Variants in CACNA1H observed in about 807,000 individuals in gnomAD.
CACNA1H encodes the protein voltage-dependent T-type calcium channel subunit alpha-1H.
In CACNA1H, 149 loss-of-function variants were observed where a neutral mutation model predicts 192.5. That is an observed-to-expected ratio of 0.77 (90% CI 0.68 to 0.89). The LOEUF is 0.89. CACNA1H is among the 40% of genes least tolerant of loss of function. The probability of loss-of-function intolerance (pLI) is 0.00; values close to 1 mark genes in which losing one functional copy is unlikely to be tolerated. For synonymous variants in CACNA1H, 2,202 were observed against 1,475.2 expected, an observed-to-expected ratio of 1.49 and a Z score of -11.29; for missense variants, 4,257 against 3,423.5, an observed-to-expected ratio of 1.24 and a Z score of -6.08.
At chr16:1,188,619 C>T (rs74002010) in intron 2 of CACNA1H, among the ~76,000 whole-genome samples, 6,601 of 152,334 alleles carry the variant, frequency 0.043, 534 homozygotes, top group African/African-American at 0.15. Context: ...TGCCCACGCC[C>T]GCGCCCAGGG....
In CACNA1H at chr16:1,220,934, G is replaced by A. The variant is rs1006975748; in HGVS notation, c.7002G>A (p.Glu2334=). ...TCACAGTCCCCCAGTGTCCTCTGGA[G>A]AAACCAGGGTCCCCCTCAGCCACCC... is the stretch of plus-strand genomic sequence containing the variant. ...LYLTVPQCPL[E]KPGSPSATPA... The change falls in exon 35 of 35, where the codon GAG becomes GAA. Residue 2334 remains glutamate, a synonymous_variant. Transcript: ENST00000348261. The A allele has an allele frequency of 1.2e-5, 20 of 1,609,466 alleles. No homozygotes were observed. The highest frequency in any genetic ancestry group is 1.7e-5 in the Non-Finnish European group (20 of 1,178,064).
intron 4 of CACNA1H, 67 bp downstream of exon 4, chr16:1,195,632 G>A: frequency 2.0e-6 from 3 of 1,520,448 alleles, no homozygotes; most frequent in Non-Finnish European, 2.7e-6. Flanking sequence ...AGGGATCCCT[G>A]TGTCCCACCT....
chr16:1,211,376 T>TACGGGACGGG (rs1969427918), intron 22 of CACNA1H, 82 bp downstream of exon 22: 1 of 1,606,814 alleles, frequency 6.2e-7, no homozygotes, highest in Non-Finnish European at 8.5e-7. Context: ...GCAGCGCCGC[T>TACGGGACGGG]GCGGGACGGG....
At chr16:1,218,873 A>T in intron 33 of CACNA1H, 97 bp from the exon 34 acceptor site, 1 of 1,034,478 alleles carries the variant, frequency 9.7e-7, no homozygotes, top group Non-Finnish European at 1.3e-6. Context: ...CTGGCCAGGA[A>T]GGAGGATGGT....
chr16:1,157,417 T>G (rs1962567630), intron 2 of CACNA1H, among the ~76,000 whole-genome samples: 1 of 152,212 alleles, frequency 6.6e-6, no homozygotes, highest in Non-Finnish European at 1.5e-5. Flanking sequence ...GCCACGTGTT[T>G]GGCAGAGCGC....
intron 30 of CACNA1H, among the ~76,000 whole-genome samples, chr16:1,216,359 C>A (rs747493151): frequency 1.3e-5 from 2 of 152,248 alleles, no homozygotes; most frequent in East Asian, 3.8e-4. Context: ...AGAGAAGGGG[C>A]GTGGCGTAGG....
At chr16:1,201,362 C>T (rs868311077) in intron 8 of CACNA1H, among the ~76,000 whole-genome samples, 10 of 152,224 alleles carry the variant, frequency 6.6e-5, no homozygotes, top group South Asian at 4.1e-4. Flanking sequence ...GAGTGGCCAC[C>T]GTTGAGAGGG....
rs956883193 is a variant in CACNA1H at position 1,180,355 on chromosome 16, G to A, written c.300-14617G>A. ...CTGGGGAGGACGGTCCCATAGCTGG[G>A]GGCAGAGCAGGGCAGGCTGGGTGAG... On this transcript the variant is annotated intron_variant, in intron 2 of 34. Coordinates refer to ENST00000348261, the MANE Select transcript of CACNA1H (RefSeq NM_021098.3). The surrounding 1 kb of genome is among the most constrained non-coding windows in gnomAD (Gnocchi z 4.4). Among the ~76,000 whole-genome samples, 18 of 152,232 alleles carry A rather than the reference G, an allele frequency of 1.2e-4. No individual in the cohort carries two copies. The highest frequency in any genetic ancestry group is 1.9e-4 in the Non-Finnish European group (13 of 68,032).
At chr16:1,171,464 G>T (rs556009375) in intron 2 of CACNA1H, among the ~76,000 whole-genome samples, 1 of 152,236 alleles carries the variant, frequency 6.6e-6, no homozygotes, top group Non-Finnish European at 1.5e-5. Flanking sequence ...AGTCTGCAGA[G>T]CCTGGAGCCC....
intron 2 of CACNA1H, among the ~76,000 whole-genome samples, chr16:1,177,906 A>G (rs1965053107): frequency 6.6e-6 from 1 of 151,748 alleles, no homozygotes; most frequent in Non-Finnish European, 1.5e-5. Context: ...TCTGAACTCC[A>G]TGGGGACACA....
intron 2 of CACNA1H, among the ~76,000 whole-genome samples, chr16:1,155,627 G>A (rs1055824900): frequency 2.0e-5 from 3 of 151,932 alleles, no homozygotes; most frequent in Non-Finnish European, 1.5e-5. Context: ...CACAGCCCCG[G>A]GCCTGGCTGC....
chr16:1,199,043 C>G (rs964178610), intron 6 of CACNA1H: 4 of 412,976 alleles, frequency 9.7e-6, no homozygotes, highest in African/African-American at 9.1e-5. Flanking sequence ...CACCATGGCT[C>G]CGCCCACCGC....
chr16:1,220,416 A>G lies in CACNA1H; in HGVS notation c.6484A>G (p.Ser2162Gly). The part of the protein sequence containing the change: ...EQWRPSAELG[S>G]GEPGEAKAWG... The stretch of plus-strand genomic sequence containing the variant: ...GTGGCGGCCCTCGGCGGAGCTGGGC[A>G]GCGGGGAGCCTGGGGAGGCGAAGGC... The change falls in exon 35 of 35, where the codon AGC (serine) becomes GGC (glycine). Residue 2162 changes from serine (S) to glycine (G), a missense_variant. Physicochemically the swap from Ser to Gly is moderately conservative, Grantham distance 56. Transcript: ENST00000348261. 1 of 1,530,318 alleles carries G rather than the reference A, an allele frequency of 6.5e-7. No individual in the cohort carries two copies. The highest frequency in any genetic ancestry group is 8.7e-7 in the Non-Finnish European group (1 of 1,147,816). The allele number at this position is 1,530,318 out of a possible 1,614,324, so 94.8% of individuals were successfully genotyped here.
chr16:1,179,370 G>A (rs537833580), intron 2 of CACNA1H, among the ~76,000 whole-genome samples: 2 of 152,252 alleles, frequency 1.3e-5, no homozygotes, highest in South Asian at 4.2e-4. Context: ...GCCCCCCCAT[G>A]GACTCTCCTG....
chr16:1,177,721 G>T (rs561612223), intron 2 of CACNA1H, among the ~76,000 whole-genome samples: 6 of 151,908 alleles, frequency 3.9e-5, no homozygotes, highest in African/African-American at 1.5e-4. Context: ...GGGGCTCCAC[G>T]GGGGCCACTT....
chr16:1,195,454 C>T lies in CACNA1H; in HGVS notation c.434C>T (p.Ala145Val), dbSNP rs377301954. The change falls in exon 4 of 35, where the codon GCC becomes GTC. Residue 145 changes from alanine to valine, a missense_variant. Coordinates refer to ENST00000348261, the MANE Select transcript of CACNA1H (RefSeq NM_021098.3). ...ILEAFDAFIF[A>V]FFAVEMVIKM... is the part of the protein sequence containing the mutation. ...CAGGCCTTTGACGCCTTCATTTTCG[C>T]CTTTTTTGCGGTGGAGATGGTCATC... 1.3e-6 allele frequency: 2 copies of T among 1,562,070 alleles called. No homozygotes were observed. The highest frequency in any genetic ancestry group is 1.7e-6 in the Non-Finnish European group (2 of 1,152,886).
In CACNA1H at chr16:1,210,767, G is replaced by A. The variant is rs2738897; in HGVS notation, c.4039-20G>A. ...CCCCCCACGCCTGAGCCTGAGCTCAGTGCCATTGGCCCTCCGCAGGTGGTG... is the reference window on the plus strand; with the variant it reads ...CCCCCCACGCCTGAGCCTGAGCTCAATGCCATTGGCCCTCCGCAGGTGGTG... On this transcript the variant is annotated intron_variant, in intron 20 of 34. Transcript: ENST00000348261. 0.5 allele frequency: 802,730 copies of A among 1,597,110 alleles called. 208,029 individuals are homozygous for A. The highest frequency in any genetic ancestry group is 0.9 in the East Asian group (40,102 of 44,806).
intron 12 of CACNA1H, 194 bp from the exon 13 acceptor site, chr16:1,206,807 C>T: frequency 1.7e-6 from 1 of 583,518 alleles, no homozygotes; most frequent in Non-Finnish European, 3.1e-6. Flanking sequence ...ATGGACACTA[C>T]TGAGTTGTAG....
chr16:1,212,424 G>A (rs528570554), intron 25 of CACNA1H, 87 bp from the exon 26 acceptor site: 5 of 1,384,688 alleles, frequency 3.6e-6, no homozygotes, highest in East Asian at 2.5e-5. Context: ...CAGCCCCCGA[G>A]ACACGGGGGC....
Sources: allele counts gnomAD v4.1 joint callset (sites outside exome capture counted in the v4.1 genomes callset), GRCh38; gene constraint gnomAD v4.1.1; non-coding constraint Gnocchi (gnomAD v3.1); transcripts MANE v1.5; gene names NCBI Gene and HGNC (gene_info 2026-07-23, HGNC 2026-07-21).